Variants in AFF1 observed in about 807,000 individuals in gnomAD.
AFF1 encodes the protein AF4/FMR2 family member 1.
In AFF1, 48 loss-of-function variants were observed where a neutral mutation model predicts 121.7. The ratio of observed to expected loss-of-function variants is 0.39; its 90% CI spans 0.31 to 0.50. The LOEUF (loss-of-function observed/expected upper bound fraction) is 0.50, where lower values mean the gene tolerates loss of function less well. AFF1 is among the 20% of genes least tolerant of loss of function. The probability of loss-of-function intolerance (pLI) is 0.76; values close to 1 mark genes in which losing one functional copy is unlikely to be tolerated. For missense variants in AFF1, 1,523 were observed against 1,511.7 expected, an observed-to-expected ratio of 1.01 and a Z score of -0.12; for synonymous variants, 613 against 563.0, an observed-to-expected ratio of 1.09 and a Z score of -1.26.
At chr4:86,949,195 G>GTT (rs1237773748) in intron 2 of AFF1, among the ~76,000 whole-genome samples, 11 of 141,908 alleles carry the variant, frequency 7.8e-5, no homozygotes, top group Non-Finnish European at 1.2e-4. Flanking sequence ...TTTTTTTTGA[G>GTT]ATGGAGTCTC....
chr4:86,992,044 T>C (rs1341729164), intron 2 of AFF1, among the ~76,000 whole-genome samples: 3 of 152,072 alleles, frequency 2.0e-5, no homozygotes, highest in Admixed American at 6.6e-5. Context: ...CTGAAACATA[T>C]CTAGGTATCA....
intron 13 of AFF1, among the ~76,000 whole-genome samples, chr4:87,125,799 C>T (rs1578308454): frequency 6.6e-6 from 1 of 152,274 alleles, no homozygotes. Context: ...CACTCGTCTT[C>T]TTGTCAGGGA....
At chr4:87,043,194 A>G (rs569950741) in intron 2 of AFF1, among the ~76,000 whole-genome samples, 7 of 152,292 alleles carry the variant, frequency 4.6e-5, no homozygotes, top group Admixed American at 2.6e-4. Flanking sequence ...CTGACTGGCT[A>G]TAGGGGCTCT....
At chr4:87,032,374 GCTTT>G (rs1729163281) in intron 2 of AFF1, among the ~76,000 whole-genome samples, 1 of 152,166 alleles carries the variant, frequency 6.6e-6, no homozygotes, top group East Asian at 1.9e-4. Context: ...ATGACATTAA[GCTTT>G]CTTTCTGTAG....
intron 2 of AFF1, among the ~76,000 whole-genome samples, chr4:87,024,158 T>C (rs991307758): frequency 6.6e-6 from 1 of 152,158 alleles, no homozygotes; most frequent in Admixed American, 6.5e-5. Flanking sequence ...TGACGGCTGA[T>C]ACACAGCTTC....
At chr4:87,104,971 AAG>A (rs1452615850) in intron 8 of AFF1, among the ~76,000 whole-genome samples, 1 of 152,188 alleles carries the variant, frequency 6.6e-6, no homozygotes, top group African/African-American at 2.4e-5. Context: ...ACATAGGCAA[AAG>A]AGAATAATTT....
chr4:87,007,400 G>A (rs765233171), intron 2 of AFF1: 6 of 1,614,008 alleles, frequency 3.7e-6, no homozygotes, highest in South Asian at 1.1e-5. Context: ...GGCTCTATAA[G>A]CTGAATTATG....
chr4:86,950,389 C>G (rs1051393333), intron 2 of AFF1, among the ~76,000 whole-genome samples: 1 of 152,116 alleles, frequency 6.6e-6, no homozygotes, highest in Non-Finnish European at 1.5e-5. Flanking sequence ...AGGCTGGCCC[C>G]GAATTCCTAA....
At chr4:86,952,658 TA>T (rs967097199) in intron 2 of AFF1, among the ~76,000 whole-genome samples, 3 of 138,072 alleles carry the variant, frequency 2.2e-5, no homozygotes, top group African/African-American at 5.2e-5. Flanking sequence ...GGACTTAAAG[TA>T]AAAAAAAACA....
At position 87,001,207 on chromosome 4, in the gene AFF1, CTTTTTTTTTTTTT is replaced by C. The variant is rs34072831; in HGVS notation, c.39-44944_39-44932del. ...TGAGAGGACTGCTTTCCTTTTTCTA[CTTTTTTTTTTTTT>C]TTTTTTTTTTTTTTGGTGACGGCGT... On this transcript the variant is annotated intron_variant, in intron 2 of 20. Transcript: ENST00000395146. Among the ~76,000 whole-genome samples the C allele has an allele frequency of 6.6e-5, 4 of 60,316 alleles. No individual in the cohort carries two copies. The East Asian group carries it at 2.5e-3, about 38-fold the overall frequency. The allele number at this position is 60,316 out of a possible 152,430, so 39.6% of individuals were successfully genotyped here. A position where few individuals can be genotyped will look rare whatever the true frequency, so the allele number is the denominator to read the frequency against.
chr4:86,970,133 A>G (rs1237591217), intron 2 of AFF1, among the ~76,000 whole-genome samples: 5 of 152,010 alleles, frequency 3.3e-5, no homozygotes, highest in Non-Finnish European at 7.4e-5. Context: ...TATACGTGGA[A>G]GGGTAATATT....
intron 2 of AFF1, chr4:87,020,877 A>G (rs913151362): frequency 3.1e-6 from 3 of 965,670 alleles, no homozygotes; most frequent in East Asian, 1.1e-4. Context: ...GTATTCTTCC[A>G]GAAGGTTTCT....
intron 2 of AFF1, among the ~76,000 whole-genome samples, chr4:87,000,587 T>C (rs28374015): frequency 6.8e-6 from 1 of 147,610 alleles, no homozygotes; most frequent in Non-Finnish European, 1.5e-5. Flanking sequence ...AAATAAAACA[T>C]TTATTAAAAA....
chr4:86,998,462 T>C (rs1184022777), intron 2 of AFF1, among the ~76,000 whole-genome samples: 1 of 152,218 alleles, frequency 6.6e-6, no homozygotes, highest in Non-Finnish European at 1.5e-5. Context: ...TTTATAACGT[T>C]TAGACAATTT....
At chr4:87,013,666 C>CTT (rs11322791) in intron 2 of AFF1, among the ~76,000 whole-genome samples, 2,221 of 135,346 alleles carry the variant, frequency 0.016, 35 homozygotes, top group Non-Finnish European at 0.025. Context: ...AAGATCTTAC[C>CTT]TTTTTTTTTT....
At chr4:87,035,698 A>G (rs1230716477) in intron 2 of AFF1, among the ~76,000 whole-genome samples, 1 of 152,180 alleles carries the variant, frequency 6.6e-6, no homozygotes, top group East Asian at 1.9e-4. Flanking sequence ...GAGATGGACA[A>G]CCCAGAAAGA....
rs759203423 is a variant in AFF1 at position 87,115,117 on chromosome 4, A to G, written c.2284A>G (p.Thr762Ala). 2 of 1,612,942 alleles carry G rather than the reference A, an allele frequency of 1.2e-6. No individual in the cohort carries two copies. The highest frequency in any genetic ancestry group is 2.2e-5 in the East Asian group (1 of 44,790). The change falls in exon 12 of 21, where the codon ACT becomes GCT. Residue 762 changes from threonine to alanine, a missense_variant. Thr to Ala is a moderately conservative substitution (Grantham distance 58). Transcript: ENST00000395146. Reference sequence around the variant, plus strand: ...CAAGCTGCTCTCACCGCTCAGGGACACTCCTCCCCCACAAAGCTTGATGGT... The same window carrying G: ...CAAGCTGCTCTCACCGCTCAGGGACGCTCCTCCCCCACAAAGCTTGATGGT... ...DTKLLSPLRD[T>A]PPPQSLMVKI...
intron 2 of AFF1, among the ~76,000 whole-genome samples, chr4:87,043,740 A>G (rs1262189069): frequency 6.6e-6 from 1 of 152,228 alleles, no homozygotes; most frequent in Non-Finnish European, 1.5e-5. Context: ...GAGTTCTTTT[A>G]AAATCTGATA....
chr4:87,012,066 C>A (rs1384388635), intron 2 of AFF1, among the ~76,000 whole-genome samples: 1 of 152,066 alleles, frequency 6.6e-6, no homozygotes, highest in African/African-American at 2.4e-5. Flanking sequence ...ACTTTTTCAT[C>A]TTGGTTCTGT....
Sources: gnomAD v4.1 joint callset for allele counts (sites outside exome capture counted in the v4.1 genomes callset) on GRCh38, gnomAD v4.1.1 for gene constraint, MANE v1.5 for transcripts, NCBI Gene and HGNC (gene_info 2026-07-23, HGNC 2026-07-21) for gene names.